The following FLNB variants were observed in gnomAD, a reference collection of about 807,000 sequenced individuals.
The protein encoded by FLNB is filamin-B.
FLNB carries 111 observed loss-of-function variants against 250.6 expected under a neutral mutation model. That is an observed-to-expected ratio of 0.44 (90% CI 0.38 to 0.52). FLNB has a LOEUF of 0.52. FLNB is among the 20% of genes least tolerant of loss of function. The pLI is 0.00. For missense variants in FLNB, 2,869 were observed against 3,447.8 expected (o/e 0.83, Z 4.20); for synonymous variants, 1,302 against 1,372.1 (o/e 0.95, Z 1.13).
At chr3:58,026,781 C>T (rs770449997) in intron 1 of FLNB, among the ~76,000 whole-genome samples, 2 of 152,178 alleles carry the variant, frequency 1.3e-5, no homozygotes, top group South Asian at 2.1e-4. Flanking sequence ...AATACTGCAG[C>T]GCTACCAAAT....
intron 5 of FLNB, 43 bp downstream of exon 5, chr3:58,094,997 A>C: frequency 6.9e-7 from 1 of 1,450,994 alleles, no homozygotes; most frequent in Non-Finnish European, 9.7e-7. Context: ...CACCTCATGG[A>C]GCTTTTGGGG....
intron 23 of FLNB, 137 bp from the exon 24 acceptor site, chr3:58,126,465 C>A (rs1219189252): frequency 1.4e-6 from 1 of 736,892 alleles, no homozygotes; most frequent in South Asian, 1.6e-5. Flanking sequence ...GTGAAATTCC[C>A]TATGTGAGAG....
intron 1 of FLNB, among the ~76,000 whole-genome samples, chr3:58,042,538 A>G (rs1479131310): frequency 2.6e-5 from 4 of 151,718 alleles, no homozygotes; most frequent in African/African-American, 9.7e-5. Flanking sequence ...TTTTGAAAAC[A>G]GGGTCTCACT....
chr3:58,149,566 A>T (rs1575461018), intron 36 of FLNB: 1 of 486,290 alleles, frequency 2.1e-6, no homozygotes, highest in East Asian at 4.0e-5. Context: ...GGTCCTCCCC[A>T]GCAGTTTGTA....
chr3:58,100,373 A>ATATATATATATATATATATATATAT lies in FLNB; in HGVS notation c.1345+1465_1345+1466insTATATATATATATATATATATATAT, dbSNP rs1553696152. On this transcript the variant is annotated intron_variant, in intron 8 of 45. Transcript: ENST00000295956. Reference sequence around the variant, plus strand: ...AATGATTTTACATATGTAAAAAAAAAATATATATATATTTGCAGGGGCGCG... The same window carrying ATATATATATATATATATATATATAT: ...AATGATTTTACATATGTAAAAAAAAATATATATATATATATATATATATATATATATATATATTTGCAGGGGCGCG... 4.8e-3 allele frequency among the ~76,000 whole-genome samples: 503 copies of ATATATATATATATATATATATATAT among 104,310 alleles called. 4 individuals carry two copies. The highest frequency in any genetic ancestry group is 7.8e-3 in the South Asian group (23 of 2,934). 68.4% of individuals were successfully genotyped at this position (104,310 alleles called of 152,430 possible).
At chr3:58,016,215 C>T (rs975607652) in intron 1 of FLNB, among the ~76,000 whole-genome samples, 4 of 151,976 alleles carry the variant, frequency 2.6e-5, no homozygotes, top group African/African-American at 7.3e-5. Context: ...ATGTGCACAC[C>T]TGGCTAATTT....
In FLNB at chr3:58,123,437, C is replaced by A; in HGVS notation, c.3471C>A (p.Asp1157Glu). 6.2e-7 allele frequency: 1 copy of A among 1,612,130 alleles called. No individual in the cohort carries two copies. The highest frequency in any genetic ancestry group is 8.5e-7 in the Non-Finnish European group (1 of 1,178,532). Residue 1157 changes from aspartate (D) to glutamate (E), a missense_variant, in exon 21 of 46, where the codon GAC (aspartate) becomes GAA (glutamate). Asp to Glu is a conservative substitution (Grantham distance 45). Transcript: ENST00000295956. ...KVGEAGLLSV[D>E]CSEAGPGALG... ...GTGAAGCTGGCCTCCTTAGCGTCGA[C>A]TGCTCGGAAGCGGGACCGGGGGCCC...
At position 58,132,938 on chromosome 3, in the gene FLNB, T is replaced by C. The variant is rs1208173266; in HGVS notation, c.4514+7T>C. The C allele has an allele frequency of 1.2e-6, 2 of 1,610,218 alleles. No homozygotes were observed. Among genetic ancestry groups the C allele is most frequent in the East Asian group, 2.2e-5 (1 of 44,806 alleles). On this transcript the variant is annotated splice_region_variant and intron_variant, in intron 26 of 45. Transcript: ENST00000295956. The stretch of plus-strand genomic sequence containing the variant: ...ATGAAGAGATTCCTCGCAGGTAAGC[T>C]CCATCCATCTGCCCATCCATTCCTC...
Position 58,170,639 on chromosome 3 carries a change from G to C in FLNB, c.7686G>C (p.Lys2562Asn). The C allele has an allele frequency of 1.9e-6, 3 of 1,614,160 alleles. No homozygotes were observed. Among genetic ancestry groups the C allele is most frequent in the South Asian group, 2.2e-5 (2 of 91,086 alleles). Residue 2562 changes from lysine (K) to asparagine (N), a missense_variant, in exon 46 of 46, where the codon AAG becomes AAC. By Grantham distance (94) the Lys-to-Asn change is moderately conservative. This residue lies in a region of FLNB where 1,084 missense variants were observed against 1,315.5 expected (regional missense o/e 0.82). Coordinates refer to ENST00000295956, the MANE Select transcript of FLNB (RefSeq NM_001457.4). ...CCCCCTGCGAGGAGGTCTCCATGAA[G>C]CATGTAGGCAACCAGCAATACAACG... ...PTTPCEEVSM[K>N]HVGNQQYNVT...
intron 1 of FLNB, among the ~76,000 whole-genome samples, chr3:58,030,373 T>C (rs2097129234): frequency 6.6e-6 from 1 of 152,202 alleles, no homozygotes; most frequent in African/African-American, 2.4e-5. Flanking sequence ...ATCTAAATGA[T>C]GTCATCAAGA....
At chr3:58,121,589 C>T in intron 20 of FLNB, 86 bp downstream of exon 20, 1 of 1,557,150 alleles carries the variant, frequency 6.4e-7, no homozygotes, top group South Asian at 1.1e-5. Flanking sequence ...CTGGCAAAGA[C>T]CTTCTGAAAA....
intron 18 of FLNB, among the ~76,000 whole-genome samples, chr3:58,116,956 C>T (rs919103400): frequency 6.6e-6 from 1 of 152,090 alleles, no homozygotes; most frequent in Non-Finnish European, 1.5e-5. Context: ...ATGTTCTTAA[C>T]GTGGTGGTCC....
chr3:58,090,612 A>G (rs1443475733), intron 4 of FLNB, among the ~76,000 whole-genome samples: 5 of 152,212 alleles, frequency 3.3e-5, no homozygotes, highest in Non-Finnish European at 5.9e-5. Flanking sequence ...TCTATTTATA[A>G]TCTTACGGGA....
intron 8 of FLNB, among the ~76,000 whole-genome samples, chr3:58,101,001 C>T (rs1424377312): frequency 1.3e-5 from 2 of 152,122 alleles, no homozygotes; most frequent in Non-Finnish European, 2.9e-5. Context: ...TCCCAAAGTG[C>T]TGGGTTTACA....
intron 38 of FLNB, chr3:58,150,536 T>C: frequency 2.5e-6 from 1 of 407,038 alleles, no homozygotes; most frequent in South Asian, 2.3e-5. Context: ...AATAGAATCA[T>C]GTCAGTGAAA....
intron 39 of FLNB, 135 bp from the exon 40 acceptor site, chr3:58,154,656 G>T: frequency 2.2e-6 from 2 of 908,884 alleles, no homozygotes; most frequent in Non-Finnish European, 3.5e-6. Context: ...CCTTGCTTGG[G>T]TTCTGCTTGG....
At chr3:58,143,386 A>G in intron 31 of FLNB, 87 bp from the exon 32 acceptor site, 5 of 1,465,704 alleles carry the variant, frequency 3.4e-6, no homozygotes, top group Middle Eastern at 3.8e-4. Context: ...GGAAACCTTT[A>G]TTTTGAATAC....
chr3:58,054,317 G>T (rs1286666221), intron 1 of FLNB, among the ~76,000 whole-genome samples: 1 of 152,130 alleles, frequency 6.6e-6, no homozygotes, highest in Non-Finnish European at 1.5e-5. Context: ...GTGTTCAATA[G>T]GTACATGTGG....
chr3:58,130,620 G>T, intron 24 of FLNB, 121 bp from the exon 25 acceptor site: 1 of 892,928 alleles, frequency 1.1e-6, no homozygotes. Context: ...AGTGAGGCAG[G>T]GGGAGCTGAC....
Sources: gnomAD v4.1 joint callset for allele counts (sites outside exome capture counted in the v4.1 genomes callset) on GRCh38, gnomAD v4.1.1 for gene constraint, gnomAD v4.1.1 regional missense constraint, MANE v1.5 for transcripts, NCBI Gene and HGNC (gene_info 2026-07-23, HGNC 2026-07-21) for gene names.